XPO1: variants seen among roughly 807,000 people sequenced by gnomAD.
XPO1 encodes the protein exportin-1.
A neutral mutation model predicts 133.3 loss-of-function variants in XPO1; 5 were observed. The observed-to-expected ratio is 0.04, with a 90% CI of 0.02 to 0.08. The LOEUF is 0.08. XPO1 is among the 10% of genes least tolerant of loss of function. The probability of loss-of-function intolerance (pLI) is 1.00; values close to 1 mark genes in which losing one functional copy is unlikely to be tolerated. For missense variants in XPO1, 506 were observed against 1,267.5 expected, an observed-to-expected ratio of 0.40 and a Z score of 9.12; for synonymous variants, 419 against 408.2, an observed-to-expected ratio of 1.03 and a Z score of -0.32.
chr2:61,482,039 T>TTTTTTTTTTTTTTTTTTTG (rs1696395122), intron 23 of XPO1, among the ~76,000 whole-genome samples: 1 of 23,926 alleles, frequency 4.2e-5, no homozygotes, highest in African/African-American at 2.6e-4. Context: ...GTGGCCTTTT[T>TTTTTTTTTTTTTTTTTTTG]TTTTTTTTTT....
Position 61,526,530 on chromosome 2 carries a change from T to G in XPO1, c.127-9A>C. Reference sequence around the variant, plus strand: ...TCTTGAGCCATTCTTTGCTAAAATATTATTAAAAAAAACAAAACTTAAGCT... The same window carrying G: ...TCTTGAGCCATTCTTTGCTAAAATAGTATTAAAAAAAACAAAACTTAAGCT... On this transcript the variant is annotated splice_polypyrimidine_tract_variant and intron_variant, in intron 2 of 24. Coordinates refer to ENST00000401558, the MANE Select transcript of XPO1 (RefSeq NM_003400.4). The G allele has an allele frequency of 3.9e-6, 6 of 1,548,418 alleles. No homozygotes were observed. The highest frequency in any genetic ancestry group is 5.2e-6 in the Non-Finnish European group (6 of 1,156,462).
intron 2 of XPO1, among the ~76,000 whole-genome samples, chr2:61,531,917 G>A (rs948174462): frequency 6.6e-6 from 1 of 152,100 alleles, no homozygotes; most frequent in Non-Finnish European, 1.5e-5. Context: ...CAGAATCACT[G>A]CAAGAGTAAT....
intron 4 of XPO1, among the ~76,000 whole-genome samples, chr2:61,519,764 A>G (rs1573203469): frequency 6.6e-6 from 1 of 152,112 alleles, no homozygotes; most frequent in African/African-American, 2.4e-5. Flanking sequence ...AGAACCTAAA[A>G]GCAGATAAAA....
At position 61,481,338 on chromosome 2, in the gene XPO1, A is replaced by G. The variant is rs1262039358; in HGVS notation, c.2973-57T>C. On this transcript the variant is annotated intron_variant, in intron 23 of 24. Coordinates refer to ENST00000401558, the MANE Select transcript of XPO1 (RefSeq NM_003400.4). ...ATTTATTTTTCCCCCGAGACAGAGT[A>G]TTGCTCTGTCACCAGGCTGGAGTAC... is the stretch of plus-strand genomic sequence containing the variant. 1.0e-5 allele frequency: 14 copies of G among 1,374,348 alleles called. No homozygotes were observed. The Admixed American group carries it at 2.7e-4, about 26-fold the overall frequency. The allele number at this position is 1,374,348 out of a possible 1,614,324, so 85.1% of individuals were successfully genotyped here.
At chr2:61,480,705 A>G (rs913059425) in intron 24 of XPO1, 13 of 152,344 alleles carry the variant, frequency 8.5e-5, no homozygotes, top group African/African-American at 3.1e-4. Flanking sequence ...AATCATGGAT[A>G]AACTATTCAT....
intron 3 of XPO1, 47 bp from the exon 4 acceptor site, chr2:61,522,730 TG>T: frequency 7.2e-7 from 1 of 1,384,620 alleles, no homozygotes; most frequent in South Asian, 1.2e-5. Context: ...CTTATAGGAC[TG>T]GCAACTCTCA....
chr2:61,513,211 A>G (rs1232703022), intron 4 of XPO1, among the ~76,000 whole-genome samples: 1 of 151,884 alleles, frequency 6.6e-6, no homozygotes, highest in East Asian at 1.9e-4. Context: ...GGTGCATGCC[A>G]CCACGCCTGG....
chr2:61,479,143 A>G (rs1192589372), intron 24 of XPO1, among the ~76,000 whole-genome samples, 177 bp from the exon 25 acceptor site: 3 of 152,080 alleles, frequency 2.0e-5, no homozygotes, highest in Non-Finnish European at 4.4e-5. Context: ...TGAACTGCAA[A>G]CCTGTTAACT....
chr2:61,499,829 C>T lies in XPO1; in HGVS notation c.474G>A (p.Arg158=), dbSNP rs770545697. The change falls in exon 7 of 25, where the codon AGG becomes AGA. Residue 158 remains arginine (R), a synonymous_variant. Coordinates refer to ENST00000401558, the MANE Select transcript of XPO1 (RefSeq NM_003400.4). ...TFISDIVGAS[R]TSESLCQNNM... ...TATTTTGACAGAGACTTTCGCTGGT[C>T]CTACTTGCTCCAACAATATCACTGA... The T allele has an allele frequency of 6.2e-7, 1 of 1,613,058 alleles. No homozygotes were observed. The highest frequency in any genetic ancestry group is 1.7e-5 in the Admixed American group (1 of 59,786).
intron 1 of XPO1, 135 bp downstream of exon 1, chr2:61,537,427 C>T (rs1699402030): frequency 6.7e-6 from 1 of 148,886 alleles, no homozygotes; most frequent in African/African-American, 2.4e-5. Context: ...GTGGGCCCGC[C>T]GCGCCCCCGG....
At chr2:61,500,035 A>C (rs1697424437) in intron 6 of XPO1, 141 bp from the exon 7 acceptor site, 2 of 842,722 alleles carry the variant, frequency 2.4e-6, no homozygotes, top group Non-Finnish European at 3.6e-6. Flanking sequence ...AAAGGAAGAA[A>C]TGTGCCACCC....
chr2:61,483,730 C>T (rs934798298), intron 21 of XPO1: 2 of 525,204 alleles, frequency 3.8e-6, no homozygotes, highest in East Asian at 3.5e-5. Context: ...TACTAGGCCG[C>T]TCTCCCCATA....
At position 61,482,034 on chromosome 2, in the gene XPO1, CTTTTTTTTTTTT is replaced by C. The variant is rs1195049382; in HGVS notation, c.2972+334_2972+345del. Among the ~76,000 whole-genome samples the C allele has an allele frequency of 9.4e-4, 67 of 71,392 alleles. 1 individual carries two copies. Among genetic ancestry groups the C allele is most frequent in the African/African-American group, 3.3e-3 (67 of 20,424 alleles). The allele number at this position is 71,392 out of a possible 152,430, so 46.8% of individuals were successfully genotyped here. On this transcript the variant is annotated intron_variant, in intron 23 of 24. Transcript: ENST00000401558. Reference sequence around the variant, plus strand: ...ACAGTCATGAGCCACCGTGCGTGGCCTTTTTTTTTTTTTTTTTTTTTTTGCTTTTTTAAAGAG... The same window carrying C: ...ACAGTCATGAGCCACCGTGCGTGGCCTTTTTTTTTTTGCTTTTTTAAAGAG...
chr2:61,483,203 G>C lies in XPO1; in HGVS notation c.2678-112C>G, dbSNP rs1300027997. 9.3e-6 allele frequency: 11 copies of C among 1,181,278 alleles called. No homozygotes were observed. The East Asian group carries it at 2.8e-4, about 30-fold the overall frequency. 73.2% of individuals were successfully genotyped at this position (1,181,278 alleles called of 1,614,324 possible). Reference sequence around the variant, plus strand: ...CTAACCCTGTTCTCCCTTTTTTTTGGGATGATGACTAATAATTACTTGCAT... The same window carrying C: ...CTAACCCTGTTCTCCCTTTTTTTTGCGATGATGACTAATAATTACTTGCAT... On this transcript the variant is annotated intron_variant, in intron 21 of 24. Transcript: ENST00000401558.
chr2:61,495,041 A>C (rs1697179575), intron 11 of XPO1, among the ~76,000 whole-genome samples: 1 of 151,920 alleles, frequency 6.6e-6, no homozygotes, highest in South Asian at 2.1e-4. Flanking sequence ...ACAGAGATTC[A>C]CGATGTAGGC....
intron 4 of XPO1, among the ~76,000 whole-genome samples, chr2:61,505,721 G>GC (rs1697774144): frequency 6.6e-6 from 1 of 152,060 alleles, no homozygotes; most frequent in South Asian, 2.1e-4. Flanking sequence ...ACCGCACCTG[G>GC]CTTTTTTTTG....
intron 1 of XPO1, 116 bp from the exon 2 acceptor site, chr2:61,534,019 G>A: frequency 9.3e-7 from 1 of 1,074,174 alleles, no homozygotes; most frequent in Non-Finnish European, 1.2e-6. Context: ...GAATACTTTA[G>A]AGACTTTAAT....
At chr2:61,497,877 A>T (rs1312470994) in intron 9 of XPO1, among the ~76,000 whole-genome samples, 1 of 152,244 alleles carries the variant, frequency 6.6e-6, no homozygotes, top group Non-Finnish European at 1.5e-5. Flanking sequence ...TCTCTGTAGG[A>T]CTGTTGACAA....
intron 4 of XPO1, among the ~76,000 whole-genome samples, chr2:61,514,661 G>A (rs1400168419): frequency 6.6e-6 from 1 of 150,728 alleles, no homozygotes; most frequent in Admixed American, 6.6e-5. Flanking sequence ...CACTACAATA[G>A]CCAAACTAAA....
Sources: allele counts gnomAD v4.1 joint callset (sites outside exome capture counted in the v4.1 genomes callset), GRCh38; gene constraint gnomAD v4.1.1; transcripts MANE v1.5; gene names NCBI Gene and HGNC (gene_info 2026-07-23, HGNC 2026-07-21).